Variants in CLASP1 observed in about 807,000 individuals in gnomAD.
CLASP1 encodes the protein CLIP-associating protein 1.
A neutral mutation model predicts 192.3 loss-of-function variants in CLASP1; 38 were observed. The ratio of observed to expected loss-of-function variants is 0.20; its 90% CI spans 0.15 to 0.26. The LOEUF (loss-of-function observed/expected upper bound fraction) is 0.26, where lower values mean the gene tolerates loss of function less well. CLASP1 is among the 10% of genes least tolerant of loss of function. The pLI, the probability that CLASP1 is intolerant of heterozygous loss-of-function variation, is 1.00. For synonymous variants in CLASP1, 691 were observed against 712.8 expected, an observed-to-expected ratio of 0.97 and a Z score of 0.49; for missense variants, 1,433 against 1,932.5, an observed-to-expected ratio of 0.74 and a Z score of 4.85.
rs138103032 is a variant in CLASP1, at chr2:121,482,232, G to A, written c.713-12272C>T. 5.0e-3 allele frequency among the ~76,000 whole-genome samples: 766 copies of A among 152,204 alleles called. 11 individuals carry two copies. Among genetic ancestry groups the A allele is most frequent in the African/African-American group, 0.017 (709 of 41,522 alleles). ...AGCAGGGGCAAGGAACTCCTGACAGGGGATAATGAACAAACTAGCCAGCTT... is the reference window on the plus strand; with the variant it reads ...AGCAGGGGCAAGGAACTCCTGACAGAGGATAATGAACAAACTAGCCAGCTT... On this transcript the variant is annotated intron_variant, in intron 8 of 39. Coordinates refer to ENST00000263710, the Ensembl canonical transcript of CLASP1.
intron 14 of CLASP1, among the ~76,000 whole-genome samples, chr2:121,454,022 AGT>A (rs2086102628): frequency 6.6e-6 from 1 of 152,224 alleles, no homozygotes; most frequent in South Asian, 2.1e-4. Flanking sequence ...TAACAATCTG[AGT>A]GTGTGGTTCA....
intron 36 of CLASP1, 142 bp downstream of exon 37, chr2:121,364,952 G>A: frequency 2.5e-6 from 2 of 815,552 alleles, no homozygotes; most frequent in Non-Finnish European, 2.0e-6. Flanking sequence ...CAGAAAATAT[G>A]TGAAAAATGA....
chr2:121,347,195 A>G, intron 38 of CLASP1, 41 bp from the exon 40 acceptor site: 1 of 1,344,176 alleles, frequency 7.4e-7, no homozygotes, highest in Non-Finnish European at 1.0e-6. Flanking sequence ...AACCAGATCA[A>G]AGATTCATTC....
exon 25 of CLASP1, chr2:121,407,604 C>T: frequency 1.9e-6 from 3 of 1,613,970 alleles, no homozygotes; most frequent in Non-Finnish European, 2.5e-6. Flanking sequence ...TGGGGAATGC[C>T]ACCATTCCTG....
chr2:121,497,690 T>C (rs745875752), intron 8 of CLASP1, among the ~76,000 whole-genome samples: 57 of 152,190 alleles, frequency 3.7e-4, no homozygotes, highest in Non-Finnish European at 6.9e-4. Flanking sequence ...AGGAAGAAAC[T>C]AGGAGGAGGT....
intron 14 of CLASP1, among the ~76,000 whole-genome samples, chr2:121,452,408 C>G (rs535933602): frequency 1.3e-5 from 2 of 152,086 alleles, no homozygotes; most frequent in African/African-American, 2.4e-5. Context: ...TCTATTTAAG[C>G]CTTTTCACTT....
intron 2 of CLASP1, among the ~76,000 whole-genome samples, chr2:121,542,764 T>C (rs957282210): frequency 8.5e-5 from 13 of 152,382 alleles, no homozygotes; most frequent in African/African-American, 2.9e-4. Flanking sequence ...AGTTATGGGC[T>C]ATTACCAGTA....
chr2:121,488,779 A>G (rs1379544382), intron 8 of CLASP1, among the ~76,000 whole-genome samples: 2 of 152,224 alleles, frequency 1.3e-5, no homozygotes, highest in African/African-American at 2.4e-5. Context: ...GAATTAATAC[A>G]TGATTCAGAC....
intron 2 of CLASP1, among the ~76,000 whole-genome samples, chr2:121,600,385 A>G (rs1461123776): frequency 6.6e-6 from 1 of 152,238 alleles, no homozygotes; most frequent in African/African-American, 2.4e-5. Flanking sequence ...GCATTGTACA[A>G]ACAGGTTTAA....
At chr2:121,445,602 A>G (rs2084176732) in intron 19 of CLASP1, 2 of 520,198 alleles carry the variant, frequency 3.8e-6, no homozygotes, top group South Asian at 1.7e-5. Flanking sequence ...GGATTGTGCT[A>G]TATTTCAATT....
intron 39 of CLASP1, among the ~76,000 whole-genome samples, chr2:121,345,888 G>C (rs958531962): frequency 6.6e-6 from 1 of 152,194 alleles, no homozygotes; most frequent in African/African-American, 2.4e-5. Context: ...GACGGTGGTG[G>C]TCAGAGATGC....
At chr2:121,450,208 G>A (rs1176532916) in intron 16 of CLASP1, among the ~76,000 whole-genome samples, 1 of 152,070 alleles carries the variant, frequency 6.6e-6, no homozygotes, top group Non-Finnish European at 1.5e-5. Context: ...GCAGGCGCCT[G>A]TAGTCCCAGC....
intron 19 of CLASP1, among the ~76,000 whole-genome samples, chr2:121,438,347 T>TC (rs983065339): frequency 1.3e-4 from 20 of 152,288 alleles, no homozygotes; most frequent in African/African-American, 4.8e-4. Context: ...GGGTTTTTTT[T>TC]CCCCCTCTGT....
intron 2 of CLASP1, among the ~76,000 whole-genome samples, chr2:121,542,004 CCT>C (rs749830451): frequency 3.7e-4 from 56 of 152,226 alleles, no homozygotes; most frequent in Non-Finnish European, 2.2e-4. Context: ...CAACAATACC[CCT>C]GTTACTGTTT....
chr2:121,495,868 C>T (rs917322370), intron 8 of CLASP1, among the ~76,000 whole-genome samples: 7 of 152,154 alleles, frequency 4.6e-5, no homozygotes, highest in Admixed American at 1.3e-4. Flanking sequence ...CTAAGAAATT[C>T]GCTAAGAATT....
chr2:121,357,629 G>T (rs1461065129), intron 37 of CLASP1, among the ~76,000 whole-genome samples: 1 of 152,174 alleles, frequency 6.6e-6, no homozygotes, highest in Non-Finnish European at 1.5e-5. Context: ...CAGTTCATCA[G>T]CGAGGCAGAA....
chr2:121,529,366 C>A (rs2094685120), intron 3 of CLASP1, among the ~76,000 whole-genome samples: 1 of 151,996 alleles, frequency 6.6e-6, no homozygotes, highest in African/African-American at 2.4e-5. Context: ...ATGAGATATC[C>A]CTGAATAATT....
chr2:121,357,742 A>G (rs1031709907), intron 37 of CLASP1, among the ~76,000 whole-genome samples: 1 of 152,158 alleles, frequency 6.6e-6, no homozygotes, highest in Non-Finnish European at 1.5e-5. Context: ...GAGGTGGGCT[A>G]TGTTTCTCCA....
chr2:121,404,942 A>T (rs1272020784), intron 25 of CLASP1, among the ~76,000 whole-genome samples: 1 of 152,218 alleles, frequency 6.6e-6, no homozygotes, highest in Non-Finnish European at 1.5e-5. Flanking sequence ...ACAAAACAAA[A>T]AAGGGAAAAA....
Sources: allele counts gnomAD v4.1 joint callset (sites outside exome capture counted in the v4.1 genomes callset), GRCh38; gene constraint gnomAD v4.1.1; transcripts MANE v1.5; gene names NCBI Gene and HGNC (gene_info 2026-07-23, HGNC 2026-07-21).